Variants in ARL13B observed in about 807,000 individuals in gnomAD.
ARL13B encodes ARF like GTPase 13B.
In ARL13B, 36 loss-of-function variants were observed where a neutral mutation model predicts 56.1. That is an observed-to-expected ratio of 0.64 (90% CI 0.49 to 0.85). The LOEUF is 0.85. Among genes scored for constraint, ARL13B ranks in the 40% least tolerant of loss-of-function variants. The pLI, the probability that ARL13B is intolerant of heterozygous loss-of-function variation, is 0.00. For missense variants in ARL13B, 519 were observed against 507.1 expected, an observed-to-expected ratio of 1.02 and a Z score of -0.23; for synonymous variants, 178 against 171.1, an observed-to-expected ratio of 1.04 and a Z score of -0.32.
At chr3:94,010,956 C>T (rs369938796) in intron 3 of ARL13B, among the ~76,000 whole-genome samples, 4 of 151,888 alleles carry the variant, frequency 2.6e-5, no homozygotes, top group Non-Finnish European at 4.4e-5. Flanking sequence ...AACAGAGAGA[C>T]GTCTATCACT....
At chr3:93,984,634 T>G (rs1474771836) in intron 1 of ARL13B, among the ~76,000 whole-genome samples, 2 of 152,220 alleles carry the variant, frequency 1.3e-5, no homozygotes, top group East Asian at 3.9e-4. Context: ...AAACGTGTGT[T>G]GTTCAAGGAT....
chr3:94,009,461 G>T (rs1482458179), intron 3 of ARL13B, among the ~76,000 whole-genome samples: 1 of 151,906 alleles, frequency 6.6e-6, no homozygotes, highest in African/African-American at 2.4e-5. Context: ...AGTTAAATAG[G>T]TTATGGTTAT....
At chr3:94,024,144 CA>C (rs1200027232) in intron 3 of ARL13B, among the ~76,000 whole-genome samples, 1 of 152,088 alleles carries the variant, frequency 6.6e-6, no homozygotes, top group Non-Finnish European at 1.5e-5. Context: ...ATTAATTAAT[CA>C]ATTAATAGAG....
At chr3:94,038,071 T>G (rs972196421) in intron 5 of ARL13B, among the ~76,000 whole-genome samples, 3 of 152,204 alleles carry the variant, frequency 2.0e-5, no homozygotes, top group Non-Finnish European at 2.9e-5. Context: ...TTGGTTCAGA[T>G]AGTCATTTCT....
intron 7 of ARL13B, among the ~76,000 whole-genome samples, chr3:94,044,415 C>T (rs2076937800): frequency 6.9e-6 from 1 of 144,264 alleles, no homozygotes; most frequent in African/African-American, 2.6e-5. Context: ...AGTGCCTCTG[C>T]CCGGCTGCCC....
In ARL13B at chr3:94,050,723, T is replaced by C. The variant is rs1000997908; in HGVS notation, c.1142-101T>C. ...GTCATTCAATATATTTGAATTGACA[T>C]TGAATGTTACATATGCTTCCTTTCC... On this transcript the variant is annotated intron_variant, in intron 8 of 9. Transcript: ENST00000394222. The C allele has an allele frequency of 1.2e-5, 11 of 947,672 alleles. No homozygotes were observed. In the African/African-American group the frequency reaches 1.8e-4, roughly 16 times the overall value. 58.7% of individuals were successfully genotyped at this position (947,672 alleles called of 1,614,324 possible). A position where few individuals can be genotyped will look rare whatever the true frequency, so the allele number is the denominator to read the frequency against.
In ARL13B at chr3:93,980,356, C is replaced by G. The variant is rs781266684; in HGVS notation, c.-68C>G. On this transcript the variant is annotated 5_prime_UTR_variant, in exon 1 of 10. Coordinates refer to ENST00000394222, the MANE Select transcript of ARL13B (RefSeq NM_001174150.2). ...GGCGTCTCGGAGTGCCGGAGGCCCC[C>G]GGGGAAGAGCGGGGTGCCGGTGTCC... is the stretch of plus-strand genomic sequence containing the variant. The G allele has an allele frequency of 2.5e-6, 4 of 1,595,036 alleles. No homozygotes were observed. In the Admixed American group the frequency reaches 5.0e-5, roughly 20 times the overall value.
rs748353587 is a variant in ARL13B at position 94,046,066 on chromosome 3, A to G, written c.1024+2826A>G. On this transcript the variant is annotated intron_variant, in intron 7 of 9. Transcript: ENST00000394222. ...CAGAGATCAATAAAACACAATAGAG[A>G]TTCTAGAAATAGATCCCCAAAATAT... 2.8e-4 allele frequency among the ~76,000 whole-genome samples: 42 copies of G among 152,114 alleles called. No individual in the cohort carries two copies. The South Asian group carries it at 4.1e-3, about 15-fold the overall frequency.
In ARL13B at chr3:94,053,237, A is replaced by G. The variant is rs112062713; in HGVS notation, c.1261A>G (p.Ser421Gly). 6.1e-5 allele frequency: 98 copies of G among 1,613,348 alleles called. No homozygotes were observed. The African/African-American group carries it at 1.2e-3, about 20-fold the overall frequency. ...CCTGGCTGTGCCACAGCGACCTAAC[A>G]GTGATGCTCATGATGTGATCTCATA... The part of the protein sequence containing the change: ...PPLAVPQRPN[S>G]DAHDVIS Residue 421 changes from serine to glycine, a missense_variant, in exon 10 of 10, where the codon AGT becomes GGT. Coordinates refer to ENST00000394222, the MANE Select transcript of ARL13B (RefSeq NM_001174150.2).
At chr3:93,992,816 A>G (rs1411545766) in intron 1 of ARL13B, among the ~76,000 whole-genome samples, 1 of 152,096 alleles carries the variant, frequency 6.6e-6, no homozygotes, top group Non-Finnish European at 1.5e-5. Flanking sequence ...TTTTTGAGAC[A>G]GCATCTCACT....
At position 94,043,016 on chromosome 3, in the gene ARL13B, AT is replaced by A. The variant is rs2076888595; in HGVS notation, c.801del (p.Asn267LysfsTer23). The A allele has an allele frequency of 6.2e-7, 1 of 1,603,676 alleles. No homozygotes were observed. Among genetic ancestry groups the A allele is most frequent in the African/African-American group, 1.3e-5 (1 of 74,362 alleles). On this transcript the variant is annotated frameshift_variant and splice_region_variant, in exon 7 of 10. Transcript: ENST00000394222. LOFTEE classifies it high-confidence loss of function. The part of the protein sequence containing the change: ...FQPIASVIIE[N>X]EGKLEREKKN... ...ATAATGTATTTTATTTTTTGTTAGA[AT>A]GAAGGAAAACTTGAAAGAGAGAAAA...
intron 3 of ARL13B, among the ~76,000 whole-genome samples, chr3:94,006,678 C>T (rs1393201264): frequency 6.6e-6 from 1 of 152,094 alleles, no homozygotes; most frequent in Non-Finnish European, 1.5e-5. Context: ...ACCAGTGAAA[C>T]AATACAAGAA....
At chr3:94,016,622 A>G (rs1049286027) in intron 3 of ARL13B, among the ~76,000 whole-genome samples, 2 of 151,504 alleles carry the variant, frequency 1.3e-5, no homozygotes, top group African/African-American at 4.8e-5. Context: ...CTATGAAAGT[A>G]TTGGAGATTT....
At chr3:94,033,431 T>G (rs2076711478) in intron 3 of ARL13B, among the ~76,000 whole-genome samples, 1 of 152,172 alleles carries the variant, frequency 6.6e-6, no homozygotes, top group Non-Finnish European at 1.5e-5. Flanking sequence ...TGCTACGCCA[T>G]TAATTCATTA....
At position 93,981,865 on chromosome 3, in the gene ARL13B, CAAAAAAAAAAAAA is replaced by C. The variant is rs11396818; in HGVS notation, c.59+1395_59+1407del. Among the ~76,000 whole-genome samples, 15 of 68,390 alleles carry C rather than the reference CAAAAAAAAAAAAA, an allele frequency of 2.2e-4. 2 individuals carry two copies. Among genetic ancestry groups the C allele is most frequent in the Non-Finnish European group, 2.8e-4 (10 of 36,326 alleles). 44.9% of individuals were successfully genotyped at this position (68,390 alleles called of 152,430 possible). A position where few individuals can be genotyped will look rare whatever the true frequency, so the allele number is the denominator to read the frequency against. On this transcript the variant is annotated intron_variant, in intron 1 of 9. Transcript: ENST00000394222. ...TGAGTGACACAGTGCAACCCTGTCT[CAAAAAAAAAAAAA>C]AAAAAAAAAAAGAAAAAAGTCAAAG...
rs77252961 is a variant in ARL13B, at chr3:94,007,937, G to A, written c.380+4029G>A. ...TGAAATAAGTGGTGAAAAGTTTAGG[G>A]AGAAGACAGAGTCTGGAACCTGGAT... On this transcript the variant is annotated intron_variant, in intron 3 of 9. Transcript: ENST00000394222. Among the ~76,000 whole-genome samples the A allele has an allele frequency of 4.5e-3, 686 of 152,206 alleles. 4 individuals carry two copies. Among genetic ancestry groups the A allele is most frequent in the African/African-American group, 0.014 (577 of 41,528 alleles).
At chr3:94,039,014 T>C (rs558806718) in intron 5 of ARL13B, among the ~76,000 whole-genome samples, 1 of 152,272 alleles carries the variant, frequency 6.6e-6, no homozygotes, top group East Asian at 1.9e-4. Context: ...ATACACAACT[T>C]GATAAAATAT....
chr3:94,051,872 G>T (rs1285591146), intron 9 of ARL13B, among the ~76,000 whole-genome samples: 1 of 151,472 alleles, frequency 6.6e-6, no homozygotes, highest in Non-Finnish European at 1.5e-5. Flanking sequence ...ATTCTATTTA[G>T]GTCAGTATTG....
chr3:94,041,080 G>GTT (rs60890269), intron 6 of ARL13B, among the ~76,000 whole-genome samples: 2 of 145,242 alleles, frequency 1.4e-5, no homozygotes, highest in African/African-American at 5.0e-5. Flanking sequence ...ATTAGCTATA[G>GTT]TTTTTTTTTT....
Sources: allele counts gnomAD v4.1 joint callset (sites outside exome capture counted in the v4.1 genomes callset), GRCh38; gene constraint gnomAD v4.1.1; transcripts MANE v1.5; gene names NCBI Gene and HGNC (gene_info 2026-07-23, HGNC 2026-07-21).